The following FANK1 variants were observed in gnomAD, a reference collection of about 807,000 sequenced individuals.
The protein encoded by FANK1 is fibronectin type 3 and ankyrin repeat domains protein 1.
A neutral mutation model predicts 45.3 loss-of-function variants in FANK1; 44 were observed. The observed-to-expected ratio is 0.97, with a 90% confidence interval of 0.76 to 1.25. FANK1 has a LOEUF of 1.25. Ranked by LOEUF, FANK1 falls within the 50% of genes most tolerant of loss-of-function variation. The pLI, the probability that FANK1 is intolerant of heterozygous loss-of-function variation, is 0.00. For synonymous variants in FANK1, 149 were observed against 152.5 expected (o/e 0.98, Z 0.17); for missense variants, 391 against 424.4 (o/e 0.92, Z 0.69).
At chr10:126,008,817 G>C (rs894051323) in intron 8 of FANK1, among the ~76,000 whole-genome samples, 2 of 152,210 alleles carry the variant, frequency 1.3e-5, no homozygotes, top group African/African-American at 2.4e-5. Flanking sequence ...CAAAGAACAA[G>C]CTGCTTTCTG....
chr10:125,951,253 A>G (rs894423130), intron 1 of FANK1, among the ~76,000 whole-genome samples: 2 of 152,000 alleles, frequency 1.3e-5, no homozygotes, highest in Admixed American at 1.3e-4. Context: ...AAAAAAAAGA[A>G]CAAAACAACC....
chr10:125,940,230 A>G (rs1018501660), intron 1 of FANK1, among the ~76,000 whole-genome samples: 6 of 152,154 alleles, frequency 3.9e-5, no homozygotes, highest in Non-Finnish European at 8.8e-5. Context: ...GACCTGTACC[A>G]GCACCGGTCT....
chr10:125,995,174 A>G (rs10901502), intron 3 of FANK1, among the ~76,000 whole-genome samples: 54,039 of 152,076 alleles, frequency 0.36, 10,102 homozygotes, highest in South Asian at 0.45. Context: ...ACATTCACAA[A>G]GCAATACTGT....
At chr10:126,003,796 C>G (rs966503513) in intron 6 of FANK1, among the ~76,000 whole-genome samples, 1 of 152,062 alleles carries the variant, frequency 6.6e-6, no homozygotes, top group African/African-American at 2.4e-5. Flanking sequence ...CTGCCTCAGC[C>G]TCCTGAGTAG....
At chr10:125,975,706 T>C (rs1196591238) in intron 1 of FANK1, among the ~76,000 whole-genome samples, 1 of 152,252 alleles carries the variant, frequency 6.6e-6, no homozygotes, top group Admixed American at 6.5e-5. Flanking sequence ...TAGACCTTTG[T>C]CAGATACATA....
chr10:125,989,337 G>A, intron 3 of FANK1: 1 of 1,551,158 alleles, frequency 6.4e-7, no homozygotes, highest in African/African-American at 1.4e-5. Flanking sequence ...GTTCTCCACG[G>A]CCCACCCACT....
At chr10:125,971,783 G>T (rs1026424558) in intron 1 of FANK1, among the ~76,000 whole-genome samples, 2 of 151,966 alleles carry the variant, frequency 1.3e-5, no homozygotes, top group African/African-American at 4.8e-5. Flanking sequence ...TACCACGGCC[G>T]GCTAATTTTT....
chr10:126,005,083 C>T lies in FANK1; in HGVS notation c.705+34C>T, dbSNP rs187415043. ...CCTGCCTTGTTAACCACGCACATAT[C>T]GTTAAGAATCTGAAATGCTGCTCCA... On this transcript the variant is annotated intron_variant, in intron 7 of 10. Coordinates refer to ENST00000368693, the MANE Select transcript of FANK1 (RefSeq NM_145235.5). 1.3e-4 allele frequency: 206 copies of T among 1,579,026 alleles called. 1 individual carries two copies. Among genetic ancestry groups the T allele is most frequent in the Admixed American group, 1.0e-3 (60 of 58,308 alleles).
chr10:125,960,884 A>AAAAAATCT (rs1949881584), intron 1 of FANK1, among the ~76,000 whole-genome samples: 1 of 152,156 alleles, frequency 6.6e-6, no homozygotes, highest in Non-Finnish European at 1.5e-5. Flanking sequence ...ATAGAAATAA[A>AAAAAATCT]AAAAATCTTA....
At chr10:125,922,217 G>T (rs1946994641) in intron 1 of FANK1, among the ~76,000 whole-genome samples, 1 of 152,052 alleles carries the variant, frequency 6.6e-6, no homozygotes, top group Non-Finnish European at 1.5e-5. Flanking sequence ...TCATATTTGG[G>T]GATGTTCTAG....
chr10:125,985,067 C>T (rs1482463273), intron 2 of FANK1, among the ~76,000 whole-genome samples: 3 of 151,996 alleles, frequency 2.0e-5, no homozygotes, highest in East Asian at 1.9e-4. Context: ...CTTTGACAAG[C>T]GTGCTTGGTA....
chr10:125,995,336 G>T (rs1460166720), intron 3 of FANK1, 81 bp from the exon 4 acceptor site: 1 of 1,311,924 alleles, frequency 7.6e-7, no homozygotes, highest in Non-Finnish European at 1.1e-6. Context: ...ATGATCCCCT[G>T]AAGGCCACAG....
chr10:125,934,976 G>A (rs1445948071), intron 1 of FANK1, among the ~76,000 whole-genome samples: 1 of 151,996 alleles, frequency 6.6e-6, no homozygotes, highest in Non-Finnish European at 1.5e-5. Flanking sequence ...TCTTCCCCAG[G>A]TCTGCTCAGT....
At chr10:125,896,953 GA>G (rs1376562397) in intron 1 of FANK1, among the ~76,000 whole-genome samples, 1 of 152,168 alleles carries the variant, frequency 6.6e-6, no homozygotes, top group Non-Finnish European at 1.5e-5. Context: ...GCGTCTTCCT[GA>G]AACTTCGCCC....
chr10:125,908,948 T>G (rs1026469274), intron 1 of FANK1, among the ~76,000 whole-genome samples: 3 of 152,304 alleles, frequency 2.0e-5, no homozygotes, highest in African/African-American at 7.2e-5. Context: ...GAGAAATGCT[T>G]TAGCTGGGTG....
chr10:125,975,290 A>G (rs907167121), intron 1 of FANK1, among the ~76,000 whole-genome samples: 3 of 152,244 alleles, frequency 2.0e-5, no homozygotes, highest in Admixed American at 2.0e-4. Flanking sequence ...TATTATGAAC[A>G]GTCCTGCAGT....
chr10:125,959,622 C>T (rs574873072), intron 1 of FANK1, among the ~76,000 whole-genome samples: 2 of 152,186 alleles, frequency 1.3e-5, no homozygotes, highest in Non-Finnish European at 2.9e-5. Flanking sequence ...ATGAAACAAC[C>T]TTCTCATTTG....
intron 1 of FANK1, among the ~76,000 whole-genome samples, chr10:125,950,498 C>CA (rs1418590771): frequency 6.6e-6 from 1 of 151,756 alleles, no homozygotes; most frequent in African/African-American, 2.4e-5. Flanking sequence ...TTTATGCAGC[C>CA]AAAAAACACA....
At position 126,006,318 on chromosome 10, in the gene FANK1, G is replaced by A. The variant is rs574769942; in HGVS notation, c.705+1269G>A. 2.6e-5 allele frequency among the ~76,000 whole-genome samples: 4 copies of A among 152,290 alleles called. No homozygotes were observed. The East Asian group carries it at 7.7e-4, about 29-fold the overall frequency. ...TGCTGCTTTTGGAGAATTAAGAAAA[G>A]TGCCCCCTTATAGGAAAAATCTCAG... is the stretch of plus-strand genomic sequence containing the variant. On this transcript the variant is annotated intron_variant, in intron 7 of 10. Transcript: ENST00000368693.
Sources: allele counts gnomAD v4.1 joint callset (sites outside exome capture counted in the v4.1 genomes callset), GRCh38; gene constraint gnomAD v4.1.1; transcripts MANE v1.5; gene names NCBI Gene and HGNC (gene_info 2026-07-23, HGNC 2026-07-21).